The following LRBA variants were observed in gnomAD, a reference collection of about 807,000 sequenced individuals.
LRBA encodes the protein LPS responsive beige-like anchor protein, also known as lipopolysaccharide-responsive and beige-like anchor protein.
LRBA carries 176 observed loss-of-function variants against 330.0 expected under a neutral mutation model. The observed-to-expected ratio is 0.53, with a 90% CI of 0.47 to 0.60. The LOEUF is 0.60. Among genes scored for constraint, LRBA ranks in the 20% least tolerant of loss-of-function variants. LRBA has a pLI of 0.00. For missense variants in LRBA, 3,259 were observed against 3,444.8 expected, an observed-to-expected ratio of 0.95 and a Z score of 1.35; for synonymous variants, 1,230 against 1,193.0, an observed-to-expected ratio of 1.03 and a Z score of -0.64.
intron 47 of LRBA, among the ~76,000 whole-genome samples, chr4:150,397,028 A>G (rs1744826970): frequency 6.6e-6 from 1 of 152,198 alleles, no homozygotes; most frequent in African/African-American, 2.4e-5. Flanking sequence ...ACGGAAAGAG[A>G]AAAGCAAAAA....
In LRBA at chr4:150,399,936, A is replaced by C. The variant is rs1035914877; in HGVS notation, c.7194+15502T>G. On this transcript the variant is annotated intron_variant, in intron 47 of 56. Transcript: ENST00000651943. ...AGTTTCAGTGGGCGGAGATCGCACC[A>C]CTGCACTCCAGCCAGGGTGATGAAG... Among the ~76,000 whole-genome samples the C allele has an allele frequency of 2.8e-4, 42 of 152,308 alleles. 1 individual carries two copies. The highest frequency in any genetic ancestry group is 9.4e-4 in the African/African-American group (39 of 41,572).
At chr4:150,689,293 A>C (rs942300399) in intron 36 of LRBA, among the ~76,000 whole-genome samples, 6 of 152,112 alleles carry the variant, frequency 3.9e-5, no homozygotes, top group African/African-American at 1.4e-4. Flanking sequence ...GGAACATCAT[A>C]CACCGGGGCC....
At position 150,867,683 on chromosome 4, in the gene LRBA, G is replaced by A. The variant is rs1284515687; in HGVS notation, c.2754C>T (p.Ile918=). The A allele has an allele frequency of 1.9e-6, 3 of 1,604,070 alleles. No individual in the cohort carries two copies. The highest frequency in any genetic ancestry group is 8.5e-7 in the Non-Finnish European group (1 of 1,176,466). ...TAAAGAAACTTACCTTTGAATGAGT[G>A]ATTGATAAAGTGTCTACCCATACAC... ...GWRVWVDTLS[I]THSKVTFEIH... The change falls in exon 22 of 57, where the codon ATC becomes ATT. Residue 918 remains isoleucine (I), a synonymous_variant. Transcript: ENST00000651943.
chr4:150,720,014 C>G (rs777402926), intron 36 of LRBA, among the ~76,000 whole-genome samples: 16 of 152,100 alleles, frequency 1.1e-4, no homozygotes, highest in African/African-American at 1.7e-4. Flanking sequence ...TCACCTATTT[C>G]AAATAAGCTC....
intron 54 of LRBA, among the ~76,000 whole-genome samples, chr4:150,285,572 T>C (rs1748039697): frequency 6.6e-6 from 1 of 152,222 alleles, no homozygotes; most frequent in Non-Finnish European, 1.5e-5. Flanking sequence ...ACGTTCCTTG[T>C]TCCTGCTTCA....
intron 2 of LRBA, among the ~76,000 whole-genome samples, chr4:151,008,485 A>G (rs190553855): frequency 1.1e-4 from 16 of 152,288 alleles, no homozygotes; most frequent in African/African-American, 2.9e-4. Context: ...GCATACTCAG[A>G]TAAGTCCTGC....
intron 48 of LRBA, among the ~76,000 whole-genome samples, chr4:150,341,245 T>G (rs970572331): frequency 7.2e-5 from 11 of 152,302 alleles, no homozygotes; most frequent in African/African-American, 2.6e-4. Context: ...CACTGCAACC[T>G]CTGCCTCCCC....
At chr4:150,830,217 C>A (rs11737590) in intron 29 of LRBA, among the ~76,000 whole-genome samples, 133,316 of 152,114 alleles carry the variant, frequency 0.88, 58,799 homozygotes, top group Non-Finnish European at 0.94. Context: ...GACAATAACC[C>A]ACAGGATCTG....
chr4:150,873,185 G>C (rs1753630612), intron 17 of LRBA, among the ~76,000 whole-genome samples: 1 of 152,050 alleles, frequency 6.6e-6, no homozygotes, highest in South Asian at 2.1e-4. Context: ...AATAATAAAT[G>C]ATTATCAGAA....
chr4:150,462,654 C>A (rs1011488069), intron 44 of LRBA, among the ~76,000 whole-genome samples: 1 of 151,632 alleles, frequency 6.6e-6, no homozygotes, highest in Admixed American at 6.6e-5. Context: ...TACTAAAAGT[C>A]CTCTGAAAAA....
At chr4:150,341,108 G>C (rs1293589836) in intron 48 of LRBA, among the ~76,000 whole-genome samples, 2 of 152,092 alleles carry the variant, frequency 1.3e-5, no homozygotes, top group African/African-American at 4.8e-5. Context: ...GTGGCGGCTT[G>C]AACTAATGAT....
intron 9 of LRBA, among the ~76,000 whole-genome samples, chr4:150,909,265 A>G (rs1205787399): frequency 6.6e-6 from 1 of 152,192 alleles, no homozygotes; most frequent in African/African-American, 2.4e-5. Flanking sequence ...CTCTGTAGCC[A>G]TTTAACAACT....
At chr4:150,873,186 A>G (rs1341207730) in intron 17 of LRBA, among the ~76,000 whole-genome samples, 1 of 152,238 alleles carries the variant, frequency 6.6e-6, no homozygotes, top group Non-Finnish European at 1.5e-5. Flanking sequence ...ATAATAAATG[A>G]TTATCAGAAA....
At chr4:150,954,817 C>CAGAAAAAAA (rs1737349456) in intron 2 of LRBA, among the ~76,000 whole-genome samples, 1 of 45,530 alleles carries the variant, frequency 2.2e-5, no homozygotes, top group Non-Finnish European at 3.6e-5. Flanking sequence ...ACTCAGAAAT[C>CAGAAAAAAA]AAAAAAAAAA....
intron 30 of LRBA, among the ~76,000 whole-genome samples, chr4:150,823,280 G>A (rs892425104): frequency 1.6e-4 from 24 of 152,110 alleles, no homozygotes; most frequent in Admixed American, 3.9e-4. Context: ...TTAAAATGTA[G>A]TAATATTTTT....
chr4:150,815,940 T>G (rs539713686), intron 31 of LRBA, among the ~76,000 whole-genome samples: 30 of 152,016 alleles, frequency 2.0e-4, no homozygotes, highest in Middle Eastern at 3.4e-3. Flanking sequence ...TTAAATACAT[T>G]TAAAACTTCT....
At chr4:150,989,144 A>C (rs1159648591) in intron 2 of LRBA, among the ~76,000 whole-genome samples, 1 of 151,920 alleles carries the variant, frequency 6.6e-6, no homozygotes, top group Non-Finnish European at 1.5e-5. Flanking sequence ...CTAGGACTAC[A>C]GGCACGCACC....
intron 37 of LRBA, among the ~76,000 whole-genome samples, chr4:150,652,910 G>A (rs1213919942): frequency 1.3e-5 from 2 of 152,128 alleles, no homozygotes; most frequent in African/African-American, 4.8e-5. Flanking sequence ...TGTCAGCTTT[G>A]TCTATTCATT....
chr4:150,796,623 T>G (rs1253036602), intron 34 of LRBA, among the ~76,000 whole-genome samples: 2 of 151,980 alleles, frequency 1.3e-5, no homozygotes, highest in East Asian at 3.8e-4. Context: ...CATGTCATTC[T>G]TTATCTTTGC....
Sources: allele counts gnomAD v4.1 joint callset (sites outside exome capture counted in the v4.1 genomes callset), GRCh38; gene constraint gnomAD v4.1.1; transcripts MANE v1.5; gene names NCBI Gene and HGNC (gene_info 2026-07-23, HGNC 2026-07-21).